CDH8: variants seen among roughly 807,000 people sequenced by gnomAD.
CDH8 encodes cadherin-8.
In CDH8, 17 loss-of-function variants were observed where a neutral mutation model predicts 68.1. The observed-to-expected ratio is 0.25, with a 90% CI of 0.17 to 0.37. The LOEUF (loss-of-function observed/expected upper bound fraction) is 0.37, where lower values mean the gene tolerates loss of function less well. CDH8 is among the 10% of genes least tolerant of loss of function. The probability of loss-of-function intolerance (pLI) is 1.00; values close to 1 mark genes in which losing one functional copy is unlikely to be tolerated. For synonymous variants in CDH8, 372 were observed against 365.1 expected (o/e 1.02, Z -0.21); for missense variants, 763 against 999.3 (o/e 0.76, Z 3.19).
intron 10 of CDH8, among the ~76,000 whole-genome samples, chr16:61,696,852 T>C (rs559427520): frequency 3.3e-5 from 5 of 152,138 alleles, no homozygotes; most frequent in African/African-American, 1.2e-4. Flanking sequence ...GGAAACCAAA[T>C]ACTGCATGTT....
intron 2 of CDH8, among the ~76,000 whole-genome samples, chr16:61,939,662 C>A (rs1964681064): frequency 6.6e-6 from 1 of 152,074 alleles, no homozygotes; most frequent in Non-Finnish European, 1.5e-5. Flanking sequence ...GACTATAATA[C>A]CAAAAAGCTA....
Position 61,672,940 on chromosome 16 carries a change from TC to T in CDH8, c.1655-17220del, listed in dbSNP as rs1963827144. ...TAATACAGATGTTGATTTAAAACTA[TC>T]TTAATAATAGACAAGCTCATGTGAA... On this transcript the variant is annotated intron_variant, in intron 10 of 11. Coordinates refer to ENST00000577390, the MANE Select transcript of CDH8 (RefSeq NM_001796.5). 2.6e-5 allele frequency among the ~76,000 whole-genome samples: 4 copies of T among 152,210 alleles called. No individual in the cohort carries two copies. The South Asian group carries it at 8.3e-4, about 32-fold the overall frequency.
chr16:61,998,042 A>G (rs913042265), intron 2 of CDH8, among the ~76,000 whole-genome samples: 6 of 152,208 alleles, frequency 3.9e-5, no homozygotes, highest in Non-Finnish European at 7.3e-5. Context: ...TATTGTGCCA[A>G]TGCTACATTT....
intron 1 of CDH8, among the ~76,000 whole-genome samples, chr16:62,027,620 G>C (rs752264442): frequency 5.3e-5 from 8 of 152,178 alleles, no homozygotes; most frequent in Non-Finnish European, 1.2e-4. Context: ...TTAGCAGCCT[G>C]TTTCAAAACA....
chr16:61,706,100 A>C (rs747046212), intron 10 of CDH8, among the ~76,000 whole-genome samples: 4 of 152,224 alleles, frequency 2.6e-5, no homozygotes, highest in Non-Finnish European at 5.9e-5. Flanking sequence ...CAGTGGGGAA[A>C]ACATTCCTTG....
At chr16:61,682,410 C>G (rs1446828130) in intron 10 of CDH8, among the ~76,000 whole-genome samples, 1 of 151,938 alleles carries the variant, frequency 6.6e-6, no homozygotes, top group Non-Finnish European at 1.5e-5. Flanking sequence ...ACTCTGCATT[C>G]TTACTTTTAA....
chr16:61,741,020 TCAAG>T (rs1959860397), intron 8 of CDH8, among the ~76,000 whole-genome samples: 1 of 152,192 alleles, frequency 6.6e-6, no homozygotes, highest in African/African-American at 2.4e-5. Context: ...GTACTAAAGA[TCAAG>T]CTGCTGCATA....
chr16:61,904,007 T>A (rs1471541830), intron 2 of CDH8, among the ~76,000 whole-genome samples: 1 of 152,236 alleles, frequency 6.6e-6, no homozygotes, highest in Non-Finnish European at 1.5e-5. Flanking sequence ...AATTTCACTT[T>A]TAGCTTATCC....
At chr16:61,932,297 T>C (rs1964557497) in intron 2 of CDH8, among the ~76,000 whole-genome samples, 1 of 151,520 alleles carries the variant, frequency 6.6e-6, no homozygotes, top group African/African-American at 2.4e-5. Flanking sequence ...CACTCTGGGA[T>C]CTATTAGAGA....
At chr16:61,894,585 C>T (rs1328433065) in intron 3 of CDH8, among the ~76,000 whole-genome samples, 1 of 152,068 alleles carries the variant, frequency 6.6e-6, no homozygotes, top group Non-Finnish European at 1.5e-5. Context: ...TACATTTGTA[C>T]AACATTTGCA....
chr16:62,008,096 A>G (rs80113292), intron 2 of CDH8, among the ~76,000 whole-genome samples: 5,608 of 151,820 alleles, frequency 0.037, 226 homozygotes, highest in African/African-American at 0.098. Flanking sequence ...CACCACACTC[A>G]GCTAATTTTT....
At chr16:61,976,292 A>G in intron 2 of CDH8, among the ~76,000 whole-genome samples, 1 of 152,210 alleles carries the variant, frequency 6.6e-6, no homozygotes, top group East Asian at 1.9e-4. Context: ...CTGTAGTAAC[A>G]CATACAAAAT....
chr16:61,653,145 T>C lies in CDH8; in HGVS notation c.*463A>G, dbSNP rs924528489. ...GTACAGCAGACCAAGTATTGCTTTA[T>C]CATTTGTGGCGGGATCCTTATTGGT... is the stretch of plus-strand genomic sequence containing the variant. On this transcript the variant is annotated 3_prime_UTR_variant, in exon 12 of 12. Coordinates refer to ENST00000577390, the MANE Select transcript of CDH8 (RefSeq NM_001796.5). 6.3e-5 allele frequency: 78 copies of C among 1,235,820 alleles called. No individual in the cohort carries two copies. The highest frequency in any genetic ancestry group is 9.5e-5 in the East Asian group (3 of 31,502). The allele number at this position is 1,235,820 out of a possible 1,614,324, so 76.6% of individuals were successfully genotyped here.
chr16:61,868,998 C>T (rs2143029036), intron 3 of CDH8, among the ~76,000 whole-genome samples: 1 of 152,180 alleles, frequency 6.6e-6, no homozygotes, highest in Middle Eastern at 3.4e-3. Flanking sequence ...ATGTTTTCAG[C>T]CCTGAAGATG....
intron 2 of CDH8, among the ~76,000 whole-genome samples, chr16:61,952,926 T>C (rs1181501737): frequency 6.6e-6 from 1 of 152,222 alleles, no homozygotes; most frequent in Non-Finnish European, 1.5e-5. Flanking sequence ...ATTTGCATCC[T>C]GCTATTGTCT....
intron 2 of CDH8, among the ~76,000 whole-genome samples, chr16:61,919,953 T>C (rs1357608513): frequency 2.0e-5 from 3 of 151,934 alleles, no homozygotes; most frequent in South Asian, 2.1e-4. Flanking sequence ...ATGCCGCATA[T>C]CTACAACTAT....
chr16:61,922,170 A>G (rs1282578553), intron 2 of CDH8, among the ~76,000 whole-genome samples: 1 of 152,186 alleles, frequency 6.6e-6, no homozygotes, highest in East Asian at 1.9e-4. Context: ...TTTAGGACAG[A>G]TTTTCCTAAT....
At chr16:61,919,150 C>T (rs1480957009) in intron 2 of CDH8, among the ~76,000 whole-genome samples, 7 of 145,106 alleles carry the variant, frequency 4.8e-5, no homozygotes, top group African/African-American at 7.7e-5. Context: ...ACATCCACAC[C>T]GAAAACCCAT....
rs1962297852 is a variant in CDH8, at chr16:61,825,028, A to C, written c.819T>G (p.Pro273=). 6.2e-7 allele frequency: 1 copy of C among 1,611,212 alleles called. No homozygotes were observed. Among genetic ancestry groups the C allele is most frequent in the African/African-American group, 1.3e-5 (1 of 74,696 alleles). The change falls in exon 5 of 12, where the codon CCT becomes CCG. Residue 273 remains proline (P), a synonymous_variant. Transcript: ENST00000577390. ...TTAACTTACTCTGTGCAAATTTTGG[A>C]GGATTGTCATTAACATCAGTAAGAG... ...TVTLTDVNDN[P]PKFAQSLYHF... is the part of the protein sequence containing the mutation.
Sources: allele counts gnomAD v4.1 joint callset (sites outside exome capture counted in the v4.1 genomes callset), GRCh38; gene constraint gnomAD v4.1.1; transcripts MANE v1.5; gene names NCBI Gene and HGNC (gene_info 2026-07-23, HGNC 2026-07-21).